Variants in ABCB10 observed in about 807,000 individuals in gnomAD.
ABCB10 encodes ATP-binding cassette sub-family B member 10, mitochondrial.
A neutral mutation model predicts 65.4 loss-of-function variants in ABCB10; 54 were observed. The observed-to-expected ratio is 0.83, with a 90% CI of 0.66 to 1.04. The LOEUF (loss-of-function observed/expected upper bound fraction) is 1.04. Among genes scored for constraint, ABCB10 ranks in the 50% least tolerant of loss-of-function variants. The probability of loss-of-function intolerance (pLI) is 0.00; values close to 1 mark genes in which losing one functional copy is unlikely to be tolerated. For synonymous variants in ABCB10, 418 were observed against 406.5 expected (o/e 1.03, Z -0.34); for missense variants, 846 against 976.6 (o/e 0.87, Z 1.78).
chr1:229,530,929 C>T (rs1411667483), intron 7 of ABCB10, among the ~76,000 whole-genome samples: 1 of 152,198 alleles, frequency 6.6e-6, no homozygotes, highest in East Asian at 1.9e-4. Flanking sequence ...CTGGTGTTCA[C>T]CTACTGTGCT....
chr1:229,548,351 T>G (rs1341925135), intron 2 of ABCB10, among the ~76,000 whole-genome samples: 2 of 152,176 alleles, frequency 1.3e-5, no homozygotes, highest in Admixed American at 6.5e-5. Flanking sequence ...TTACATTAAC[T>G]TCCAAAAGCT....
In ABCB10 at chr1:229,525,996, T is replaced by C. The variant is rs1004343437; in HGVS notation, c.1846A>G (p.Ile616Val). 6.2e-7 allele frequency: 1 copy of C among 1,614,232 alleles called. No homozygotes were observed. Among genetic ancestry groups the C allele is most frequent in the Admixed American group, 1.7e-5 (1 of 60,032 alleles). ...VAEVANAVAFIRNFPQGFNTV... is the reference protein window; with the variant it reads ...VAEVANAVAFVRNFPQGFNTV... Reference sequence around the variant, plus strand: ...TTGAACCCTTGGGGGAAATTCCGGATGAAGGCCACTGCATTGGCCACTTCA... The same window carrying C: ...TTGAACCCTTGGGGGAAATTCCGGACGAAGGCCACTGCATTGGCCACTTCA... Residue 616 changes from isoleucine (I) to valine (V), a missense_variant, in exon 10 of 13, where the codon ATC becomes GTC. Physicochemically the swap from Ile to Val is conservative, Grantham distance 29. This residue lies in a region of ABCB10 where 632 missense variants were observed against 803.2 expected (regional missense o/e 0.79). Coordinates refer to ENST00000344517, the MANE Select transcript of ABCB10 (RefSeq NM_012089.3).
intron 8 of ABCB10, among the ~76,000 whole-genome samples, chr1:229,529,971 G>C (rs1016154461): frequency 6.6e-6 from 1 of 152,130 alleles, no homozygotes; most frequent in African/African-American, 2.4e-5. Context: ...CTCTGGGCTT[G>C]AAGAGGTAGG....
In ABCB10 at chr1:229,539,830, T is replaced by A. The variant is rs573372129; in HGVS notation, c.1204-239A>T. The stretch of plus-strand genomic sequence containing the variant: ...AGTCTCCCATCAGATCCTGATTTTA[T>A]CCCATCTACTCAGTTTGCAAAAGAT... On this transcript the variant is annotated intron_variant, in intron 5 of 12. Transcript: ENST00000344517. 4.6e-5 allele frequency among the ~76,000 whole-genome samples: 7 copies of A among 152,352 alleles called. 1 individual carries two copies. In the South Asian group the frequency reaches 1.4e-3, roughly 32 times the overall value.
At chr1:229,550,160 A>C (rs1295588980) in intron 1 of ABCB10, 2 of 152,258 alleles carry the variant, frequency 1.3e-5, no homozygotes, top group African/African-American at 4.8e-5. Flanking sequence ...TATCAACATG[A>C]TATGAAAATA....
intron 11 of ABCB10, among the ~76,000 whole-genome samples, chr1:229,519,943 T>C (rs1487059982): frequency 2.0e-5 from 3 of 151,748 alleles, no homozygotes; most frequent in Non-Finnish European, 4.4e-5. Context: ...CTGGGCAAAA[T>C]AGCAAGACCC....
intron 6 of ABCB10, chr1:229,531,953 T>TG: frequency 2.7e-6 from 1 of 366,170 alleles, no homozygotes; most frequent in African/African-American, 2.3e-5. Context: ...CATAGTTTTT[T>TG]TTTTTTTTTT....
chr1:229,537,583 T>C lies in ABCB10; in HGVS notation c.1339+1873A>G, dbSNP rs188048124. Among the ~76,000 whole-genome samples, 42 of 152,098 alleles carry C rather than the reference T, an allele frequency of 2.8e-4. No homozygotes were observed. The Middle Eastern group carries it at 0.01, about 37-fold the overall frequency. ...GGGCGGATTGCCTGAGCTCAGGAGT[T>C]CAAGACTAGCCTGGGCAACATGGTG... On this transcript the variant is annotated intron_variant, in intron 6 of 12. Transcript: ENST00000344517.
At chr1:229,525,596 T>C (rs1662421230) in intron 10 of ABCB10, among the ~76,000 whole-genome samples, 1 of 152,172 alleles carries the variant, frequency 6.6e-6, no homozygotes, top group Non-Finnish European at 1.5e-5. Flanking sequence ...ATCCCAGCAC[T>C]TTGCGAGGCC....
chr1:229,539,974 C>T (rs1662805464), intron 5 of ABCB10, among the ~76,000 whole-genome samples: 1 of 152,150 alleles, frequency 6.6e-6, no homozygotes, highest in South Asian at 2.1e-4. Context: ...GAGCTGGACT[C>T]CTGTATGTAT....
At chr1:229,551,995 A>G (rs988210771) in intron 1 of ABCB10, among the ~76,000 whole-genome samples, 1 of 152,228 alleles carries the variant, frequency 6.6e-6, no homozygotes, top group Non-Finnish European at 1.5e-5. Context: ...AATCCATATG[A>G]CATGAATGAA....
intron 11 of ABCB10, among the ~76,000 whole-genome samples, chr1:229,519,715 G>T (rs561414107): frequency 1.3e-4 from 20 of 152,330 alleles, no homozygotes; most frequent in Non-Finnish European, 2.5e-4. Context: ...CTTGAACTCG[G>T]GAAGTGGAGG....
At chr1:229,542,839 C>T (rs985170630) in intron 3 of ABCB10, among the ~76,000 whole-genome samples, 1 of 151,854 alleles carries the variant, frequency 6.6e-6, no homozygotes, top group African/African-American at 2.4e-5. Context: ...ACCAAAAAAC[C>T]CCATTATCGG....
chr1:229,518,362 T>G lies in ABCB10; in HGVS notation c.2034A>C (p.Arg678=). The stretch of plus-strand genomic sequence containing the variant: ...CTAACACCGTTCTTCCATCCATCAG[T>G]CGATCTAGAGCTTCTTGAACAAGGT... ...NEYLVQEALD[R]LMDGRTVLVI... The change falls in exon 13 of 13, where the codon CGA becomes CGC. Residue 678 remains arginine, a synonymous_variant. Coordinates refer to ENST00000344517, the MANE Select transcript of ABCB10 (RefSeq NM_012089.3). The G allele has an allele frequency of 6.2e-7, 1 of 1,614,216 alleles. No homozygotes were observed. Among genetic ancestry groups the G allele is most frequent in the East Asian group, 2.2e-5 (1 of 44,888 alleles).
At chr1:229,541,801 A>C (rs965943417) in intron 4 of ABCB10, among the ~76,000 whole-genome samples, 5 of 151,998 alleles carry the variant, frequency 3.3e-5, no homozygotes, top group Non-Finnish European at 7.4e-5. Flanking sequence ...ATTAGTGGGC[A>C]TGGTGGCATG....
At chr1:229,518,720 G>A (rs1298051759) in intron 12 of ABCB10, 121 bp downstream of exon 12, 3 of 911,020 alleles carry the variant, frequency 3.3e-6, no homozygotes, top group Admixed American at 2.6e-5. Flanking sequence ...TCACTTTAGA[G>A]TAAAGGGGGG....
chr1:229,534,642 G>C (rs2120782), intron 6 of ABCB10, among the ~76,000 whole-genome samples: 24,132 of 151,630 alleles, frequency 0.16, 2,409 homozygotes, highest in Middle Eastern at 0.26. Flanking sequence ...GCCGAGGCAG[G>C]TGGATCACCT....
At chr1:229,536,062 G>A (rs528934804) in intron 6 of ABCB10, among the ~76,000 whole-genome samples, 184 of 152,238 alleles carry the variant, frequency 1.2e-3, no homozygotes, top group African/African-American at 4.2e-3. Context: ...ACCACTCTGC[G>A]GGGGATGTTA....
Position 229,558,463 on chromosome 1 carries a change from C to T in ABCB10, c.190G>A (p.Ala64Thr). Residue 64 changes from alanine (A) to threonine (T), a missense_variant, in exon 1 of 13, where the codon GCC (alanine) becomes ACC (threonine). Physicochemically the swap from Ala to Thr is moderately conservative, Grantham distance 58. Around this residue, in one of 2 missense-constraint regions of ABCB10, gnomAD observed 214 missense variants for 173.5 expected, o/e 1.23. Transcript: ENST00000344517. ...CAGCCGCTCCTCCAGCGGCGCGCGG[C>T]TCCAACGCCCCAGAGCAGCGCGGGC... ...AGPALLWGVG[A>T]ARRWRSGCRG... 3 of 1,233,148 alleles carry T rather than the reference C, an allele frequency of 2.4e-6. No individual in the cohort carries two copies. The highest frequency in any genetic ancestry group is 7.0e-5 in the East Asian group (2 of 28,514). 76.4% of individuals were successfully genotyped at this position (1,233,148 alleles called of 1,614,324 possible). A position where few individuals can be genotyped will look rare whatever the true frequency, so the allele number is the denominator to read the frequency against.
Sources: allele counts gnomAD v4.1 joint callset (sites outside exome capture counted in the v4.1 genomes callset), GRCh38; gene constraint gnomAD v4.1.1; regional missense constraint gnomAD v4.1.1; transcripts MANE v1.5; gene names NCBI Gene and HGNC (gene_info 2026-07-23, HGNC 2026-07-21).